TRAF3IP2: variants seen among roughly 807,000 people sequenced by gnomAD.
TRAF3IP2 encodes E3 ubiquitin ligase TRAF3IP2.
A neutral mutation model predicts 57.9 loss-of-function variants in TRAF3IP2; 35 were observed. The ratio of observed to expected loss-of-function variants is 0.60; its 90% confidence interval spans 0.46 to 0.80. The LOEUF (loss-of-function observed/expected upper bound fraction) is 0.80. Among genes scored for constraint, TRAF3IP2 ranks in the 30% least tolerant of loss-of-function variants. The pLI is 0.00. For synonymous variants in TRAF3IP2, 251 were observed against 268.9 expected (o/e 0.93, Z 0.65); for missense variants, 556 against 706.4 (o/e 0.79, Z 2.41).
At chr6:111,592,703 A>C (rs1199823954) in intron 1 of TRAF3IP2, among the ~76,000 whole-genome samples, 1 of 152,198 alleles carries the variant, frequency 6.6e-6, no homozygotes, top group Non-Finnish European at 1.5e-5. Flanking sequence ...TCACCTTTTA[A>C]ACTTTTATAA....
At chr6:111,589,374 T>C (rs921873466) in intron 2 of TRAF3IP2, among the ~76,000 whole-genome samples, 6 of 152,204 alleles carry the variant, frequency 3.9e-5, no homozygotes, top group African/African-American at 1.4e-4. Context: ...GGTGAAAACT[T>C]ACCTTTAAAT....
At chr6:111,587,113 C>T (rs1257908209) in intron 2 of TRAF3IP2, 1 of 152,172 alleles carries the variant, frequency 6.6e-6, no homozygotes, top group African/African-American at 2.4e-5. Context: ...AGATGGGAGC[C>T]AGGGCCAAGG....
intron 1 of TRAF3IP2, chr6:111,601,002 G>A (rs1796843335): frequency 1.4e-5 from 7 of 490,246 alleles, no homozygotes; most frequent in Middle Eastern, 5.8e-4. Flanking sequence ...TAACTTTTCC[G>A]AGGTCACATG....
chr6:111,589,358 G>A (rs1477202041), intron 2 of TRAF3IP2, among the ~76,000 whole-genome samples: 1 of 152,186 alleles, frequency 6.6e-6, no homozygotes, highest in South Asian at 2.1e-4. Context: ...GTGAGCCACC[G>A]TGCCTGGTGA....
chr6:111,584,872 T>G (rs1472816233), intron 2 of TRAF3IP2, among the ~76,000 whole-genome samples: 1 of 152,184 alleles, frequency 6.6e-6, no homozygotes, highest in South Asian at 2.1e-4. Context: ...TAGAGTTCAA[T>G]TTTCCATTTT....
intron 2 of TRAF3IP2, among the ~76,000 whole-genome samples, chr6:111,590,796 A>G (rs1355064062): frequency 6.6e-6 from 1 of 152,288 alleles, no homozygotes; most frequent in South Asian, 2.1e-4. Context: ...CAGAGTCTCA[A>G]TGACATTCTG....
At position 111,558,827 on chromosome 6, in the gene TRAF3IP2, C is replaced by CTGT. The variant is rs1283008597; in HGVS notation, c.*575_*577dup. 1 of 152,180 alleles carries CTGT rather than the reference C, an allele frequency of 6.6e-6. No homozygotes were observed. Among genetic ancestry groups the CTGT allele is most frequent in the African/African-American group, 2.4e-5 (1 of 41,434 alleles). The allele number at this position is 152,180 out of a possible 1,614,324, so 9.4% of individuals were successfully genotyped here. A position where few individuals can be genotyped will look rare whatever the true frequency, so the allele number is the denominator to read the frequency against. ...CTTTAATCCATTAATACAGAGTGGT[C>CTGT]TGTTATATTTATCTAATATTATATC... On this transcript the variant is annotated 3_prime_UTR_variant, in exon 9 of 9. Transcript: ENST00000368761.
chr6:111,597,548 T>G (rs957247162), intron 1 of TRAF3IP2, among the ~76,000 whole-genome samples: 1 of 152,228 alleles, frequency 6.6e-6, no homozygotes, highest in Non-Finnish European at 1.5e-5. Context: ...GATTAATGGG[T>G]TATGTCAAGG....
intron 1 of TRAF3IP2, among the ~76,000 whole-genome samples, chr6:111,595,625 C>G (rs62422682): frequency 0.055 from 8,367 of 152,052 alleles, 319 homozygotes; most frequent in South Asian, 0.098. Flanking sequence ...GTCAGGAGTT[C>G]GAGACCAGCC....
chr6:111,587,135 TG>T (rs1277786785), intron 2 of TRAF3IP2: 2 of 152,202 alleles, frequency 1.3e-5, no homozygotes, highest in African/African-American at 2.4e-5. Context: ...ACATGCAAGG[TG>T]AATTGGGGCG....
intron 1 of TRAF3IP2, among the ~76,000 whole-genome samples, chr6:111,599,038 C>T (rs1219272453): frequency 6.6e-6 from 1 of 151,636 alleles, no homozygotes; most frequent in African/African-American, 2.4e-5. Context: ...TTGTTGGGAC[C>T]ACAGGCATGC....
intron 1 of TRAF3IP2, among the ~76,000 whole-genome samples, chr6:111,593,320 C>T (rs1796577342): frequency 6.6e-6 from 1 of 152,222 alleles, no homozygotes; most frequent in South Asian, 2.1e-4. Context: ...ACCACATTCA[C>T]TGAGGGCTCA....
chr6:111,583,004 G>A (rs562792307), intron 2 of TRAF3IP2, among the ~76,000 whole-genome samples: 1 of 152,188 alleles, frequency 6.6e-6, no homozygotes, highest in African/African-American at 2.4e-5. Context: ...AAAGAGTCCT[G>A]CCTCTTCACC....
chr6:111,600,849 TTGAATGGTGA>T (rs1239246712), intron 1 of TRAF3IP2: 2 of 185,682 alleles, frequency 1.1e-5, no homozygotes, highest in Non-Finnish European at 2.3e-5. Flanking sequence ...TTAATATTTA[TTGAATGGTGA>T]CTACGTGGGA....
chr6:111,595,383 G>A (rs1403637316), intron 1 of TRAF3IP2, among the ~76,000 whole-genome samples: 1 of 152,326 alleles, frequency 6.6e-6, no homozygotes, highest in East Asian at 1.9e-4. Context: ...TTTCAAACAT[G>A]TCACTATCAA....
Position 111,559,504 on chromosome 6 carries a change from G to A in TRAF3IP2, c.1599C>T (p.Pro533=). The change falls in exon 9 of 9, where the codon CCC becomes CCT. Residue 533 remains proline, a synonymous_variant. Transcript: ENST00000368761. The part of the protein sequence containing the change: ...WLQNTHVYSW[P]KNKKNILLRL... ...GCAGCAGGATGTTTTTTTTATTCTT[G>A]GGCCAGCTGTAGACATGAGTGTTCT... 1 of 1,614,120 alleles carries A rather than the reference G, an allele frequency of 6.2e-7. No individual in the cohort carries two copies. The highest frequency in any genetic ancestry group is 2.2e-5 in the East Asian group (1 of 44,884).
Position 111,556,102 on chromosome 6 carries a change from C to CA in TRAF3IP2, c.*3302dup, listed in dbSNP as rs35454154. On this transcript the variant is annotated 3_prime_UTR_variant, in exon 9 of 9. Coordinates refer to ENST00000368761, the MANE Select transcript of TRAF3IP2 (RefSeq NM_147686.4). ...TGGGTGACAGAGCGAGACTACGTCTCAAAAAAAAAAAAAAAAAAATGCTTT... is the reference window on the plus strand; with the variant it reads ...TGGGTGACAGAGCGAGACTACGTCTCAAAAAAAAAAAAAAAAAAAATGCTTT... Among the ~76,000 whole-genome samples the CA allele has an allele frequency of 4.9e-3, 598 of 122,530 alleles. 6 individuals carry two copies. Among genetic ancestry groups the CA allele is most frequent in the African/African-American group, 0.015 (468 of 31,752 alleles). 80.4% of individuals were successfully genotyped at this position (122,530 alleles called of 152,430 possible).
At chr6:111,601,389 A>C (rs1450468182) in intron 1 of TRAF3IP2, 6 of 499,468 alleles carry the variant, frequency 1.2e-5, no homozygotes, top group Non-Finnish European at 2.2e-5. Flanking sequence ...AAATAAATTG[A>C]AAACTGGTTG....
intron 1 of TRAF3IP2, among the ~76,000 whole-genome samples, chr6:111,603,384 A>G (rs1796933288): frequency 6.6e-6 from 1 of 152,218 alleles, no homozygotes; most frequent in Admixed American, 6.5e-5. Flanking sequence ...GTGATCAAAC[A>G]TTAGGGGTCA....
Sources: allele counts gnomAD v4.1 joint callset (sites outside exome capture counted in the v4.1 genomes callset), GRCh38; gene constraint gnomAD v4.1.1; transcripts MANE v1.5; gene names NCBI Gene and HGNC (gene_info 2026-07-23, HGNC 2026-07-21).